Variants in USP31 observed in about 807,000 individuals in gnomAD.
The protein encoded by USP31 is ubiquitin carboxyl-terminal hydrolase 31.
A neutral mutation model predicts 119.4 loss-of-function variants in USP31; 44 were observed. The observed-to-expected ratio is 0.37, with a 90% CI of 0.29 to 0.47. The LOEUF is 0.47. Ranked by LOEUF, USP31 falls within the 20% of genes least tolerant of loss-of-function variation. The pLI, the probability that USP31 is intolerant of heterozygous loss-of-function variation, is 0.99. For synonymous variants in USP31, 749 were observed against 705.6 expected, an observed-to-expected ratio of 1.06 and a Z score of -0.97; for missense variants, 1,643 against 1,730.2, an observed-to-expected ratio of 0.95 and a Z score of 0.89.
intron 4 of USP31, 138 bp downstream of exon 4, chr16:23,106,075 T>G (rs1006973602): frequency 1.2e-5 from 12 of 980,200 alleles, no homozygotes; most frequent in Non-Finnish European, 1.6e-5. Flanking sequence ...TCTTGTAAGG[T>G]TGTAGCAATG....
At chr16:23,148,461 G>GA (rs1364919599) in intron 1 of USP31, among the ~76,000 whole-genome samples, 177 bp downstream of exon 1, 1 of 152,214 alleles carries the variant, frequency 6.6e-6, no homozygotes, top group Non-Finnish European at 1.5e-5. Flanking sequence ...GTGAGTGAGT[G>GA]AATAAATGAA....
At chr16:23,101,083 T>A (rs919340735) in intron 6 of USP31, among the ~76,000 whole-genome samples, 2 of 152,148 alleles carry the variant, frequency 1.3e-5, no homozygotes, top group Admixed American at 1.3e-4. Context: ...GGTAAATCAA[T>A]AGCATGTAAC....
chr16:23,100,914 T>C (rs1200353713), intron 6 of USP31, among the ~76,000 whole-genome samples: 2 of 152,018 alleles, frequency 1.3e-5, no homozygotes, highest in Non-Finnish European at 2.9e-5. Context: ...ACATGGCATG[T>C]CTGAGAAACA....
rs1567234036 is a variant in USP31, at chr16:23,095,989, C to T, written c.1235-5185G>A. Among the ~76,000 whole-genome samples, 3 of 152,202 alleles carry T rather than the reference C, an allele frequency of 2.0e-5. 1 individual carries two copies. Among genetic ancestry groups the T allele is most frequent in the Admixed American group, 1.3e-4 (2 of 15,292 alleles). On this transcript the variant is annotated intron_variant, in intron 6 of 15. Transcript: ENST00000219689. ...TCATAATAACAGGATCAAATTCACACATAACAATATTAACCTTAAATGTAA... is the reference window on the plus strand; with the variant it reads ...TCATAATAACAGGATCAAATTCACATATAACAATATTAACCTTAAATGTAA...
rs1193213693 is a variant in USP31 at position 23,069,401 on chromosome 16, C to T, written c.2704G>A (p.Ala902Thr). 6.2e-7 allele frequency: 1 copy of T among 1,611,974 alleles called. No individual in the cohort carries two copies. Among genetic ancestry groups the T allele is most frequent in the East Asian group, 2.2e-5 (1 of 44,808 alleles). Residue 902 changes from alanine (A) to threonine (T), a missense_variant, in exon 16 of 16, where the codon GCA (alanine) becomes ACA (threonine). By Grantham distance (58) the Ala-to-Thr change is moderately conservative. Coordinates refer to ENST00000219689, the MANE Select transcript of USP31 (RefSeq NM_020718.4). ...SASTLEKIGE[A>T]ADDKVSISCF... ...GAGATGGAGACCTTGTCATCTGCTG[C>T]CTCCCCAATCTTCTCCAAGGTGGAA...
Position 23,102,380 on chromosome 16 carries a change from G to A in USP31, c.1173C>T (p.Asp391=). 6.2e-7 allele frequency: 1 copy of A among 1,613,930 alleles called. No individual in the cohort carries two copies. ...CGGGAGTCTCAAAGGCAAAAATGCA[G>A]TCGCTTTCATGGACTGTTTCCAGGT... ...TDDLETVHES[D]CIFAFETPEI... Residue 391 remains aspartate, a synonymous_variant, in exon 6 of 16, where the codon GAC becomes GAT. Coordinates refer to ENST00000219689, the MANE Select transcript of USP31 (RefSeq NM_020718.4).
chr16:23,080,211 T>C, intron 12 of USP31, 40 bp from the exon 13 acceptor site: 1 of 1,498,986 alleles, frequency 6.7e-7, no homozygotes. Context: ...GATATTTTAA[T>C]GCAAGCAGAT....
intron 9 of USP31, among the ~76,000 whole-genome samples, chr16:23,086,049 T>C (rs2141846924): frequency 6.6e-6 from 1 of 152,220 alleles, no homozygotes; most frequent in African/African-American, 2.4e-5. Flanking sequence ...CCCTTGCACC[T>C]TTCCACCTCT....
intron 1 of USP31, among the ~76,000 whole-genome samples, chr16:23,146,295 A>G (rs1176436687): frequency 6.6e-6 from 1 of 151,850 alleles, no homozygotes; most frequent in Admixed American, 6.6e-5. Flanking sequence ...CTCCCTTTCT[A>G]ATTTTGAGAT....
chr16:23,145,039 C>A (rs1216581237), intron 1 of USP31, among the ~76,000 whole-genome samples: 3 of 152,136 alleles, frequency 2.0e-5, no homozygotes, highest in Non-Finnish European at 4.4e-5. Context: ...GCTTCCTGCA[C>A]CCCCACTGCT....
intron 1 of USP31, among the ~76,000 whole-genome samples, chr16:23,114,889 T>A (rs1367892872): frequency 6.6e-6 from 1 of 152,172 alleles, no homozygotes; most frequent in Non-Finnish European, 1.5e-5. Flanking sequence ...CCCCTCACAA[T>A]GGTAACTTAT....
chr16:23,106,501 A>T lies in USP31; in HGVS notation c.772-14T>A. 1 of 1,594,874 alleles carries T rather than the reference A, an allele frequency of 6.3e-7. No homozygotes were observed. Among genetic ancestry groups the T allele is most frequent in the Non-Finnish European group, 8.5e-7 (1 of 1,171,840 alleles). On this transcript the variant is annotated splice_polypyrimidine_tract_variant and intron_variant, in intron 2 of 15. Transcript: ENST00000219689. Reference sequence around the variant, plus strand: ...CTCTGATGGTGGCTAAAAAAAAAAGAAAGTACAACTTCACAGACTAGAAAG... The same window carrying T: ...CTCTGATGGTGGCTAAAAAAAAAAGTAAGTACAACTTCACAGACTAGAAAG...
intron 12 of USP31, among the ~76,000 whole-genome samples, chr16:23,081,990 G>C (rs1241523400): frequency 6.6e-6 from 1 of 152,192 alleles, no homozygotes; most frequent in African/African-American, 2.4e-5. Context: ...TCAGGGAATA[G>C]ACAGCCTTTT....
chr16:23,107,528 A>AT (rs1277798183), intron 2 of USP31, among the ~76,000 whole-genome samples: 1 of 152,190 alleles, frequency 6.6e-6, no homozygotes, highest in Non-Finnish European at 1.5e-5. Flanking sequence ...CTTTAGTCTA[A>AT]TTTTTTTCCA....
chr16:23,106,416 G>T lies in USP31; in HGVS notation c.843C>A (p.Leu281=). Residue 281 remains leucine (L), a synonymous_variant, in exon 3 of 16, where the codon CTC becomes CTA. Transcript: ENST00000219689. ...FPVCSTFVQE[L]FQAQYRSSLT... ...TCTCATACCTGTATTGCGCTTGAAAGAGTTCTTGTACAAAAGTGCTACAGA... is the reference window on the plus strand; with the variant it reads ...TCTCATACCTGTATTGCGCTTGAAATAGTTCTTGTACAAAAGTGCTACAGA... The T allele has an allele frequency of 6.2e-7, 1 of 1,613,856 alleles. No homozygotes were observed. The highest frequency in any genetic ancestry group is 1.3e-5 in the African/African-American group (1 of 75,018).
chr16:23,063,660 GCT>G lies in USP31; in HGVS notation c.*4384_*4385del, dbSNP rs970566613. On this transcript the variant is annotated 3_prime_UTR_variant, in exon 16 of 16. Transcript: ENST00000219689. ...GAGCAAAACAAGAAATCGCATTCAT[GCT>G]CTTCTACACAATGATGAGTAAGCCA... 6.6e-6 allele frequency: 1 copy of G among 152,100 alleles called. No homozygotes were observed. Among genetic ancestry groups the G allele is most frequent in the Non-Finnish European group, 1.5e-5 (1 of 67,970 alleles). The allele number at this position is 152,100 out of a possible 1,614,324, so 9.4% of individuals were successfully genotyped here.
intron 13 of USP31, among the ~76,000 whole-genome samples, chr16:23,077,253 T>C (rs542154631): frequency 5.0e-4 from 76 of 152,142 alleles, no homozygotes; most frequent in Admixed American, 1.8e-3. Context: ...TTGGGATCAT[T>C]CCTCTCACAA....
At chr16:23,093,828 T>C (rs1313544135) in intron 6 of USP31, among the ~76,000 whole-genome samples, 2 of 152,322 alleles carry the variant, frequency 1.3e-5, no homozygotes, top group East Asian at 1.9e-4. Context: ...TACATGCATA[T>C]GTATGTATGG....
In USP31 at chr16:23,069,200, G is replaced by C. The variant is rs1243304205; in HGVS notation, c.2905C>G (p.His969Asp). The C allele has an allele frequency of 6.2e-7, 1 of 1,614,204 alleles. No homozygotes were observed. The highest frequency in any genetic ancestry group is 1.3e-5 in the African/African-American group (1 of 75,066). Residue 969 changes from histidine to aspartate, a missense_variant, in exon 16 of 16, where the codon CAT becomes GAT. Physicochemically the swap from His to Asp is moderately conservative, Grantham distance 81. This residue lies in a region of USP31 where 699 missense variants were observed against 650.9 expected (regional missense o/e 1.07). Transcript: ENST00000219689. ...GGCAGGCGGTCCCCTTGTGCTGAAT[G>C]TTTGCTCTGTGTATCTACGACACTG... ...NSSVVDTQSKHSAQGDRLPPL... is the reference protein window; with the variant it reads ...NSSVVDTQSKDSAQGDRLPPL...
Sources: allele counts gnomAD v4.1 joint callset (sites outside exome capture counted in the v4.1 genomes callset), GRCh38; gene constraint gnomAD v4.1.1; regional missense constraint gnomAD v4.1.1; transcripts MANE v1.5; gene names NCBI Gene and HGNC (gene_info 2026-07-23, HGNC 2026-07-21).